Variants in TTI1 observed in about 807,000 individuals in gnomAD.
The protein encoded by TTI1 is TELO2-interacting protein 1 homolog.
Under a neutral mutation model 85.4 loss-of-function variants are expected in TTI1, and 52 were observed. That is an observed-to-expected ratio of 0.61 (90% CI 0.49 to 0.77). The LOEUF is 0.77. TTI1 is among the 30% of genes least tolerant of loss of function. TTI1 has a pLI of 0.00. For synonymous variants in TTI1, 512 were observed against 503.9 expected (o/e 1.02, Z -0.22); for missense variants, 1,173 against 1,296.0 (o/e 0.91, Z 1.46).
chr20:38,026,714 C>T (rs891988111), intron 1 of TTI1, among the ~76,000 whole-genome samples: 1 of 152,112 alleles, frequency 6.6e-6, no homozygotes. Context: ...GATAAGAAAT[C>T]CTGGAACATT....
chr20:38,009,672 T>C (rs910382391), intron 2 of TTI1, among the ~76,000 whole-genome samples: 1 of 151,964 alleles, frequency 6.6e-6, no homozygotes, highest in Non-Finnish European at 1.5e-5. Flanking sequence ...AACTAATTTT[T>C]TTCCATTTTT....
rs1316221049 is a variant in TTI1 at position 37,999,323 on chromosome 20, C to T, written c.2658G>A (p.Leu886=). 1 of 1,420,168 alleles carries T rather than the reference C, an allele frequency of 7.0e-7. No homozygotes were observed. The allele number at this position is 1,420,168 out of a possible 1,614,324, so 88.0% of individuals were successfully genotyped here. The change falls in exon 5 of 8, where the codon TTG becomes TTA. Residue 886 remains leucine (L), a synonymous_variant. Transcript: ENST00000373447. The part of the protein sequence containing the change: ...DKNLQIRLKV[L]DVLDLCVVVL... Reference sequence around the variant, plus strand: ...CAACCACACACAGATCCAGCACATCCAAGACCTGAAAGAGACACGATTTCA... The same window carrying T: ...CAACCACACACAGATCCAGCACATCTAAGACCTGAAAGAGACACGATTTCA...
chr20:38,023,337 G>A (rs937292003), intron 1 of TTI1, among the ~76,000 whole-genome samples: 7 of 152,236 alleles, frequency 4.6e-5, no homozygotes, highest in Non-Finnish European at 7.3e-5. Context: ...TTTAACTACA[G>A]ATTCCTGGGC....
Position 38,012,086 on chromosome 20 carries a change from T to C in TTI1, c.1731A>G (p.Glu577=), listed in dbSNP as rs763387919. The change falls in exon 2 of 8, where the codon GAA becomes GAG. Residue 577 remains glutamate (E), a synonymous_variant. Coordinates refer to ENST00000373447, the MANE Select transcript of TTI1 (RefSeq NM_001303457.2). ...TCAGCTCCTCTCCCATTTCCTCAGT[T>C]TCAAGACAGGTAACCAAATACCAAT... is the stretch of plus-strand genomic sequence containing the variant. ...QENWYLVTCL[E]TEEMGEELMM... The C allele has an allele frequency of 6.8e-6, 11 of 1,614,188 alleles. No homozygotes were observed. The highest frequency in any genetic ancestry group is 4.5e-5 in the East Asian group (2 of 44,882).
Position 38,011,685 on chromosome 20 carries a change from A to T in TTI1, c.2132T>A (p.Leu711Gln). 6.2e-7 allele frequency: 1 copy of T among 1,614,256 alleles called. No individual in the cohort carries two copies. Among genetic ancestry groups the T allele is most frequent in the South Asian group, 1.1e-5 (1 of 91,082 alleles). The change falls in exon 2 of 8, where the codon CTG (leucine) becomes CAG (glutamine). Residue 711 changes from leucine (L) to glutamine (Q), a missense_variant. Coordinates refer to ENST00000373447, the MANE Select transcript of TTI1 (RefSeq NM_001303457.2). ...GISLNLRHLA[L>Q]HPHTPKVLEV... ...CAGGACCTTTGGGGTATGAGGATGCAGAGCCAGATGACGCAGATTTAAAGA... is the reference window on the plus strand; with the variant it reads ...CAGGACCTTTGGGGTATGAGGATGCTGAGCCAGATGACGCAGATTTAAAGA...
chr20:38,014,087 G>A (rs1192721653), intron 1 of TTI1, among the ~76,000 whole-genome samples: 1 of 152,142 alleles, frequency 6.6e-6, no homozygotes, highest in Non-Finnish European at 1.5e-5. Context: ...TCCTGAGTGT[G>A]GAAGTCATAT....
At chr20:37,991,885 C>T (rs909350193) in intron 7 of TTI1, among the ~76,000 whole-genome samples, 3 of 152,238 alleles carry the variant, frequency 2.0e-5, no homozygotes, top group African/African-American at 4.8e-5. Context: ...GATTCATCCA[C>T]AAGCACCCTA....
At chr20:37,999,420 G>GT in intron 4 of TTI1, 92 bp from the exon 5 acceptor site, 1 of 1,268,206 alleles carries the variant, frequency 7.9e-7, no homozygotes, top group Non-Finnish European at 1.0e-6. Context: ...ATTTAGAAAC[G>GT]TATTAATTGG....
chr20:38,014,205 C>CT (rs1169905686), intron 1 of TTI1, among the ~76,000 whole-genome samples: 1 of 152,108 alleles, frequency 6.6e-6, no homozygotes. Flanking sequence ...GGATTTTAAC[C>CT]TTCAGGAGTT....
In TTI1 at chr20:37,983,445, G is replaced by T; in HGVS notation, c.*11C>A. On this transcript the variant is annotated 3_prime_UTR_variant, in exon 8 of 8. Transcript: ENST00000373447. ...GGAGGGATCGGTGGCCTCTGTGGTG[G>T]GGGAGCAGGGTCACTGCAGCTCCTT... 6.2e-7 allele frequency: 1 copy of T among 1,607,946 alleles called. No homozygotes were observed.
At chr20:37,997,918 C>A (rs1335526226) in intron 5 of TTI1, among the ~76,000 whole-genome samples, 2 of 152,168 alleles carry the variant, frequency 1.3e-5, no homozygotes, top group Admixed American at 1.3e-4. Flanking sequence ...TACCACCTCC[C>A]TCTCCCTTAA....
Position 38,013,694 on chromosome 20 carries a change from A to C in TTI1, c.123T>G (p.Ser41Arg), listed in dbSNP as rs2073639091. 6.2e-7 allele frequency: 1 copy of C among 1,614,094 alleles called. No homozygotes were observed. Among genetic ancestry groups the C allele is most frequent in the Admixed American group, 1.7e-5 (1 of 60,006 alleles). Residue 41 changes from serine (S) to arginine (R), a missense_variant, in exon 2 of 8, where the codon AGT (serine) becomes AGG (arginine). Coordinates refer to ENST00000373447, the MANE Select transcript of TTI1 (RefSeq NM_001303457.2). ...GCTGAAGTTCCTGAAGGGCACTGTC[A>C]CTCACAGCTTGTAGTCGTGTCTGCA... ...EHLQTRLQAV[S>R]DSALQELQQY...
chr20:38,009,691 C>T (rs937588511), intron 2 of TTI1, among the ~76,000 whole-genome samples: 10 of 151,952 alleles, frequency 6.6e-5, no homozygotes, highest in South Asian at 4.1e-4. Flanking sequence ...TTAGTAGAGA[C>T]GAGGCCATAC....
intron 7 of TTI1, among the ~76,000 whole-genome samples, chr20:37,984,844 G>A (rs934977468): frequency 6.6e-6 from 1 of 152,194 alleles, no homozygotes; most frequent in African/African-American, 2.4e-5. Context: ...AATGGCATGT[G>A]GTCAGCATCC....
intron 1 of TTI1, among the ~76,000 whole-genome samples, chr20:38,028,081 G>A (rs1159283164): frequency 6.6e-6 from 1 of 152,136 alleles, no homozygotes; most frequent in African/African-American, 2.4e-5. Context: ...TAAATAGATG[G>A]CCGCAGTTCA....
chr20:38,007,366 A>G (rs1257409770), intron 2 of TTI1, among the ~76,000 whole-genome samples: 2 of 152,158 alleles, frequency 1.3e-5, no homozygotes, highest in African/African-American at 4.8e-5. Flanking sequence ...AACTTCTAAC[A>G]TCACTGGGTC....
chr20:38,031,407 T>C (rs2073903687), intron 1 of TTI1, among the ~76,000 whole-genome samples: 1 of 152,230 alleles, frequency 6.6e-6, no homozygotes, highest in African/African-American at 2.4e-5. Context: ...GGTATAAACT[T>C]GGTTTTCCCT....
chr20:38,013,007 C>T lies in TTI1; in HGVS notation c.810G>A (p.Glu270=), dbSNP rs1231596533. The T allele has an allele frequency of 6.2e-7, 1 of 1,613,918 alleles. No homozygotes were observed. The highest frequency in any genetic ancestry group is 8.5e-7 in the Non-Finnish European group (1 of 1,180,044). ...AATCTGCTTCCCTGTAAACCATCAG[C>T]TCTGCTACTCTGTGCTCAACTGCAG... ...AKPAVEHRVA[E]LMVYREADWV... Residue 270 remains glutamate (E), a synonymous_variant, in exon 2 of 8, where the codon GAG becomes GAA. Coordinates refer to ENST00000373447, the MANE Select transcript of TTI1 (RefSeq NM_001303457.2).
At chr20:37,992,062 T>C (rs1259541177) in intron 7 of TTI1, among the ~76,000 whole-genome samples, 2 of 152,218 alleles carry the variant, frequency 1.3e-5, no homozygotes, top group African/African-American at 4.8e-5. Flanking sequence ...GGAGCTGGAA[T>C]GGCAACCTCC....
Sources: allele counts gnomAD v4.1 joint callset (sites outside exome capture counted in the v4.1 genomes callset), GRCh38; gene constraint gnomAD v4.1.1; transcripts MANE v1.5; gene names NCBI Gene and HGNC (gene_info 2026-07-23, HGNC 2026-07-21).